The following FREM1 variants were observed in gnomAD, a reference collection of about 807,000 sequenced individuals.
The protein encoded by FREM1 is FRAS1-related extracellular matrix protein 1.
In FREM1, 220 loss-of-function variants were observed where a neutral mutation model predicts 210.1. The ratio of observed to expected loss-of-function variants is 1.05; its 90% CI spans 0.94 to 1.17. FREM1 has a LOEUF of 1.17. Among genes scored for constraint, FREM1 ranks in the 50% most tolerant of loss-of-function variants. The pLI is 0.00. For missense variants in FREM1, 3,454 were observed against 2,675.5 expected, an observed-to-expected ratio of 1.29 and a Z score of -6.42; for synonymous variants, 1,189 against 980.2, an observed-to-expected ratio of 1.21 and a Z score of -3.98.
At chr9:14,740,022 C>G in intron 36 of FREM1, 127 bp downstream of exon 36, 1 of 515,200 alleles carries the variant, frequency 1.9e-6, no homozygotes, top group Non-Finnish European at 3.5e-6. Context: ...ATGGCTAGAT[C>G]TATTGGTTGC....
At position 14,836,261 on chromosome 9, in the gene FREM1, A is replaced by G. The variant is rs559188527; in HGVS notation, c.1881+5186T>C. ...TATACACGGTAGCACCTTCAAACTAAAATATTGGACAGAGAGTTTTCATTG... is the reference window on the plus strand; with the variant it reads ...TATACACGGTAGCACCTTCAAACTAGAATATTGGACAGAGAGTTTTCATTG... On this transcript the variant is annotated intron_variant, in intron 10 of 36. Coordinates refer to ENST00000380880, the MANE Select transcript of FREM1 (RefSeq NM_001379081.2). The surrounding 1 kb of genome is among the most constrained non-coding windows in gnomAD (Gnocchi z 4.9). 1.3e-5 allele frequency among the ~76,000 whole-genome samples: 2 copies of G among 152,340 alleles called. No homozygotes were observed. Among genetic ancestry groups the G allele is most frequent in the Admixed American group, 1.3e-4 (2 of 15,304 alleles).
intron 27 of FREM1, among the ~76,000 whole-genome samples, chr9:14,760,878 T>C (rs1054188318): frequency 2.8e-5 from 4 of 140,476 alleles, no homozygotes; most frequent in African/African-American, 1.1e-4. Context: ...ATCTGTAACC[T>C]TACTATAGAG....
At chr9:14,828,556 T>G (rs546394032) in intron 10 of FREM1, among the ~76,000 whole-genome samples, 1 of 148,860 alleles carries the variant, frequency 6.7e-6, no homozygotes, top group African/African-American at 2.5e-5. Flanking sequence ...TTTTTTGCAT[T>G]GATGCTGAAA....
intron 16 of FREM1, among the ~76,000 whole-genome samples, chr9:14,808,782 C>G (rs1818843485): frequency 6.6e-6 from 1 of 151,998 alleles, no homozygotes; most frequent in Admixed American, 6.6e-5. Flanking sequence ...CAAAATGTCC[C>G]CAGTTTAGAC....
At chr9:14,886,428 G>A (rs1455722231) in intron 1 of FREM1, among the ~76,000 whole-genome samples, 1 of 139,400 alleles carries the variant, frequency 7.2e-6, no homozygotes, top group Admixed American at 7.2e-5. Context: ...AATAAAATAC[G>A]CTAACAGAGA....
upstream of FREM1, chr9:14,910,911 A>C (rs536304547): frequency 2.6e-5 from 4 of 152,308 alleles, no homozygotes; most frequent in South Asian, 8.3e-4. Flanking sequence ...CATGGCATTT[A>C]AGGGAAAAGA....
chr9:14,905,110 T>C (rs1320769262), intron 1 of FREM1, among the ~76,000 whole-genome samples: 1 of 152,206 alleles, frequency 6.6e-6, no homozygotes, highest in Non-Finnish European at 1.5e-5. Flanking sequence ...AAAAGTCTGC[T>C]GTTTCTCCTG....
intron 26 of FREM1, among the ~76,000 whole-genome samples, 196 bp from the exon 27 acceptor site, chr9:14,770,064 T>G (rs1847247907): frequency 6.6e-6 from 1 of 152,188 alleles, no homozygotes; most frequent in Non-Finnish European, 1.5e-5. Context: ...TTAAGTTGAC[T>G]GCTTCAGAAA....
rs1489777256 is a variant in FREM1, at chr9:14,846,227, GA to G, written c.1262-137del. 5 of 635,906 alleles carry G rather than the reference GA, an allele frequency of 7.9e-6. No individual in the cohort carries two copies. In the Admixed American group the frequency reaches 1.6e-4, roughly 20 times the overall value. 39.4% of individuals were successfully genotyped at this position (635,906 alleles called of 1,614,324 possible). On this transcript the variant is annotated intron_variant, in intron 7 of 36. Transcript: ENST00000380880. The stretch of plus-strand genomic sequence containing the variant: ...CTTTGCAGGGACATGGATGAAACTG[GA>G]AACCATCATCCTCAGCAAACTAACA...
At chr9:14,816,006 T>A (rs1253559287) in intron 15 of FREM1, among the ~76,000 whole-genome samples, 1 of 152,016 alleles carries the variant, frequency 6.6e-6, no homozygotes, top group African/African-American at 2.4e-5. Flanking sequence ...TATGATTAAA[T>A]CCTCATGCTA....
Position 14,750,130 on chromosome 9 carries a change from C to G in FREM1, c.5554G>C (p.Gly1852Arg), listed in dbSNP as rs748811994. The G allele has an allele frequency of 1.2e-6, 2 of 1,613,674 alleles. No individual in the cohort carries two copies. The highest frequency in any genetic ancestry group is 2.7e-5 in the African/African-American group (2 of 74,914). Residue 1852 changes from glycine (G) to arginine (R), a missense_variant, in exon 30 of 37, where the codon GGA (glycine) becomes CGA (arginine). By Grantham distance (125) the Gly-to-Arg change is moderately radical. Transcript: ENST00000380880. ...AAGATGAGGATCAAAAGAATACCTC[C>G]TTTTGAGTCCAAAATTTTCACTGCA... ...KAAVKILDSK[G>R]GQCHPSYSSN...
In FREM1 at chr9:14,819,965, G is replaced by T. The variant is rs370827524; in HGVS notation, c.2338-523C>A. Among the ~76,000 whole-genome samples the T allele has an allele frequency of 1.1e-4, 16 of 152,132 alleles. No homozygotes were observed. The East Asian group carries it at 2.9e-3, about 28-fold the overall frequency. On this transcript the variant is annotated intron_variant, in intron 13 of 36. Coordinates refer to ENST00000380880, the MANE Select transcript of FREM1 (RefSeq NM_001379081.2). ...ATATTTTAGAAATGGAAGTAGTGTG[G>T]CAAAATTGAAGATTCCAGAGGAAAT...
At chr9:14,894,318 A>T (rs1259871196) in intron 1 of FREM1, among the ~76,000 whole-genome samples, 1 of 152,234 alleles carries the variant, frequency 6.6e-6, no homozygotes, top group South Asian at 2.1e-4. Context: ...CACAGAAGTA[A>T]ACAAAATTTC....
At chr9:14,887,162 A>C (rs1338088798) in intron 1 of FREM1, among the ~76,000 whole-genome samples, 1 of 152,208 alleles carries the variant, frequency 6.6e-6, no homozygotes, top group Non-Finnish European at 1.5e-5. Context: ...AGCTGTCTAA[A>C]CTTAGAGAAA....
intron 1 of FREM1, among the ~76,000 whole-genome samples, chr9:14,898,842 G>A (rs545011706): frequency 6.6e-6 from 1 of 152,324 alleles, no homozygotes; most frequent in South Asian, 2.1e-4. Context: ...TGTAACAAAT[G>A]CACGACACTA....
At chr9:14,750,785 C>G (rs1473975372) in intron 29 of FREM1, among the ~76,000 whole-genome samples, 1 of 152,106 alleles carries the variant, frequency 6.6e-6, no homozygotes, top group African/African-American at 2.4e-5. Context: ...ATCTTTCTAG[C>G]CCACAAATGC....
chr9:14,779,702 G>GC (rs1849334294), intron 24 of FREM1, among the ~76,000 whole-genome samples: 1 of 152,132 alleles, frequency 6.6e-6, no homozygotes. Flanking sequence ...TTGGAAACAG[G>GC]CAGCCTGCCA....
At chr9:14,878,008 C>T (rs1256038013) in intron 1 of FREM1, among the ~76,000 whole-genome samples, 1 of 152,238 alleles carries the variant, frequency 6.6e-6, no homozygotes, top group African/African-American at 2.4e-5. Flanking sequence ...ACCACCAAGT[C>T]TCTGCTGGAT....
chr9:14,741,911 G>C (rs929359923), intron 35 of FREM1, among the ~76,000 whole-genome samples: 1 of 152,176 alleles, frequency 6.6e-6, no homozygotes, highest in Non-Finnish European at 1.5e-5. Flanking sequence ...ATCCATTTTA[G>C]CTGCCCAAGT....
Sources: gnomAD v4.1 joint callset for allele counts (sites outside exome capture counted in the v4.1 genomes callset) on GRCh38, gnomAD v4.1.1 for gene constraint, Gnocchi (gnomAD v3.1) non-coding constraint, MANE v1.5 for transcripts, NCBI Gene and HGNC (gene_info 2026-07-23, HGNC 2026-07-21) for gene names.